ZNF568: variants seen among roughly 807,000 people sequenced by gnomAD.
The protein encoded by ZNF568 is zinc finger protein 568, also known as p53 inhibitor of SCO2 activation.
Under a neutral mutation model 18.1 loss-of-function variants are expected in ZNF568, and 11 were observed. That is an observed-to-expected ratio of 0.61 (90% confidence interval 0.38 to 1.00). The LOEUF is 1.00. ZNF568 is among the 50% of genes least tolerant of loss of function. The probability of loss-of-function intolerance (pLI) is 0.01; values close to 1 mark genes in which losing one functional copy is unlikely to be tolerated. For synonymous variants in ZNF568, 213 were observed against 246.6 expected, an observed-to-expected ratio of 0.86 and a Z score of 1.28; for missense variants, 639 against 768.2, an observed-to-expected ratio of 0.83 and a Z score of 1.99.
downstream of ZNF568, among the ~76,000 whole-genome samples, chr19:36,980,638 A>T (rs972668519): frequency 3.9e-5 from 6 of 152,188 alleles, no homozygotes; most frequent in Non-Finnish European, 8.8e-5. Flanking sequence ...ATTCACAGTC[A>T]TATTTATAAC....
At chr19:36,945,196 GAGAC>G (rs1470338487) in intron 6 of ZNF568, among the ~76,000 whole-genome samples, 4 of 145,012 alleles carry the variant, frequency 2.8e-5, no homozygotes, top group South Asian at 4.6e-4. Flanking sequence ...GATGGGAAGA[GAGAC>G]AGAGAGAGAA....
chr19:36,925,237 A>G lies in ZNF568; in HGVS notation c.114A>G (p.Glu38=), dbSNP rs776748605. ...CSQESALSEE[E]EDTTRPLETV... is the part of the protein sequence containing the mutation. Reference sequence around the variant, plus strand: ...AAGAGTCTGCCCTTTCCGAGGAAGAAGAGGATACAACCAGGCCTCTTGTAC... The same window carrying G: ...AAGAGTCTGCCCTTTCCGAGGAAGAGGAGGATACAACCAGGCCTCTTGTAC... The change falls in exon 4 of 7, where the codon GAA becomes GAG. Residue 38 remains glutamate, a synonymous_variant. Transcript: ENST00000333987. 7.4e-6 allele frequency: 12 copies of G among 1,614,004 alleles called. No individual in the cohort carries two copies. The highest frequency in any genetic ancestry group is 8.5e-6 in the Non-Finnish European group (10 of 1,179,982).
At chr19:36,955,350 T>G (rs2074099829), downstream of ZNF568, among the ~76,000 whole-genome samples, 1 of 148,100 alleles carries the variant, frequency 6.8e-6, no homozygotes, top group Non-Finnish European at 1.5e-5. Context: ...AATGTAAAAT[T>G]CCACTTAAGG....
At chr19:36,955,908 G>T (rs1343379299), downstream of ZNF568, among the ~76,000 whole-genome samples, 1 of 152,172 alleles carries the variant, frequency 6.6e-6, no homozygotes, top group Non-Finnish European at 1.5e-5. Context: ...AATGCAGCAG[G>T]CTGGGGAGAA....
At chr19:36,984,584 A>G (rs1644666), downstream of ZNF568, among the ~76,000 whole-genome samples, 80,605 of 151,416 alleles carry the variant, frequency 0.53, 21,915 homozygotes, top group African/African-American at 0.61. Flanking sequence ...TGTATTTACG[A>G]CTTTCTTGGT....
At chr19:36,974,812 C>A (rs2074267041) in intron 7 of ZNF568, among the ~76,000 whole-genome samples, 1 of 147,472 alleles carries the variant, frequency 6.8e-6, no homozygotes, top group South Asian at 2.1e-4. Flanking sequence ...ATGCAATAGC[C>A]TTTTTGCTTA....
chr19:36,989,392 AG>A (rs1299279430), intron 2 of ZNF568, among the ~76,000 whole-genome samples: 2 of 151,998 alleles, frequency 1.3e-5, no homozygotes, highest in East Asian at 3.9e-4. Context: ...CATCTTGACC[AG>A]GCTGGTCTCA....
chr19:36,934,304 CTTTT>C (rs201377492), intron 4 of ZNF568, among the ~76,000 whole-genome samples: 3 of 128,896 alleles, frequency 2.3e-5, no homozygotes, highest in Admixed American at 7.8e-5. Context: ...CTTCTAGTAT[CTTTT>C]TTTTTTTTTT....
intron 6 of ZNF568, among the ~76,000 whole-genome samples, chr19:36,960,088 G>A (rs2074136320): frequency 7.3e-6 from 1 of 137,870 alleles, no homozygotes; most frequent in East Asian, 2.0e-4. Flanking sequence ...CATTGTTAGA[G>A]TGTTAATTTG....
At position 36,985,586 on chromosome 19, in the gene ZNF568, G is replaced by A. The variant is rs373809303; in HGVS notation, c.10-5590G>A. Among the ~76,000 whole-genome samples the A allele has an allele frequency of 7.8e-4, 118 of 152,162 alleles. 1 individual carries two copies. The highest frequency in any genetic ancestry group is 2.7e-3 in the African/African-American group (112 of 41,530). On this transcript the variant is annotated intron_variant, in intron 2 of 4. Coordinates refer to the ZNF568 transcript ENST00000433993. ...CACCCAGGCTGGAGTGCAGTAATGCGATCTTGGCTCACTGCAGCCTCCACC... is the reference window on the plus strand; with the variant it reads ...CACCCAGGCTGGAGTGCAGTAATGCAATCTTGGCTCACTGCAGCCTCCACC...
Position 36,938,995 on chromosome 19 carries a change from A to G in ZNF568, c.358+1753A>G, listed in dbSNP as rs758078649. Among the ~76,000 whole-genome samples, 34 of 152,300 alleles carry G rather than the reference A, an allele frequency of 2.2e-4. 1 individual carries two copies. The highest frequency in any genetic ancestry group is 3.4e-3 in the Middle Eastern group (1 of 294). On this transcript the variant is annotated intron_variant, in intron 6 of 6. Transcript: ENST00000333987. ...TTTCGATGAAGGTATTTCCTGCTGT[A>G]GCCACTGTTTACAGAAGGATAGTGT... is the stretch of plus-strand genomic sequence containing the variant.
intron 4 of ZNF568, among the ~76,000 whole-genome samples, chr19:36,992,147 G>A (rs1295387493): frequency 2.0e-5 from 3 of 151,510 alleles, no homozygotes; most frequent in Non-Finnish European, 4.4e-5. Flanking sequence ...GGAGGCTGAG[G>A]CAGGAGAATC....
At chr19:36,932,839 T>G (rs775336269) in intron 4 of ZNF568, among the ~76,000 whole-genome samples, 2 of 152,220 alleles carry the variant, frequency 1.3e-5, no homozygotes, top group Non-Finnish European at 2.9e-5. Flanking sequence ...ATATCTTCTT[T>G]GAAGAATTGT....
chr19:36,943,678 G>A (rs1001332348), intron 6 of ZNF568, among the ~76,000 whole-genome samples: 4 of 152,036 alleles, frequency 2.6e-5, no homozygotes, highest in African/African-American at 9.7e-5. Flanking sequence ...GGGTTCAAGC[G>A]AGTCTCGTGC....
intron 4 of ZNF568, among the ~76,000 whole-genome samples, chr19:36,992,142 C>T (rs1387073278): frequency 6.6e-6 from 1 of 151,156 alleles, no homozygotes. Flanking sequence ...ACTCAGGAGG[C>T]TGAGGCAGGA....
At chr19:36,984,843 CAA>C (rs2074362517), downstream of ZNF568, among the ~76,000 whole-genome samples, 1 of 151,922 alleles carries the variant, frequency 6.6e-6, no homozygotes, top group Non-Finnish European at 1.5e-5. Flanking sequence ...TCTTTAATCT[CAA>C]ATTGCTTTTC....
chr19:36,973,284 T>G, intron 6 of ZNF568: 1 of 152,798 alleles, frequency 6.5e-6, no homozygotes, highest in Non-Finnish European at 1.5e-5. Context: ...CGTTCAGACC[T>G]GAGTGCTAGG....
intron 6 of ZNF568, among the ~76,000 whole-genome samples, chr19:36,971,725 G>C (rs1256113318): frequency 8.5e-5 from 13 of 152,118 alleles, no homozygotes; most frequent in South Asian, 2.1e-4. Flanking sequence ...TTTTAGGAGA[G>C]ACGAGGTTTC....
At chr19:36,939,426 C>T (rs2073841938) in intron 6 of ZNF568, among the ~76,000 whole-genome samples, 1 of 151,928 alleles carries the variant, frequency 6.6e-6, no homozygotes, top group South Asian at 2.1e-4. Context: ...GAACTGCTAT[C>T]TCTGGGTTTC....
Sources: allele counts gnomAD v4.1 joint callset (sites outside exome capture counted in the v4.1 genomes callset), GRCh38; gene constraint gnomAD v4.1.1; transcripts MANE v1.5; gene names NCBI Gene and HGNC (gene_info 2026-07-23, HGNC 2026-07-21).